The following TASP1 variants were observed in gnomAD, a reference collection of about 807,000 sequenced individuals.
TASP1 encodes threonine aspartase 1.
TASP1 carries 16 observed loss-of-function variants against 56.6 expected under a neutral mutation model. The ratio of observed to expected loss-of-function variants is 0.28; its 90% confidence interval spans 0.19 to 0.43. The LOEUF is 0.43. Ranked by LOEUF, TASP1 falls within the 20% of genes least tolerant of loss-of-function variation. TASP1 has a pLI of 1.00. For missense variants in TASP1, 393 were observed against 511.6 expected (o/e 0.77, Z 2.24); for synonymous variants, 179 against 184.2 (o/e 0.97, Z 0.23).
intron 13 of TASP1, chr20:13,393,115 G>A: frequency 1.6e-6 from 1 of 637,410 alleles, no homozygotes; most frequent in South Asian, 1.5e-5. Flanking sequence ...AAGATCGTCA[G>A]CAATGCCTCC....
chr20:13,139,997 C>A, the TASP1 span, among the ~76,000 whole-genome samples: 1 of 152,140 alleles, frequency 6.6e-6, no homozygotes, highest in Non-Finnish European at 1.5e-5. Context: ...GTGTTGCTAT[C>A]ATTGCTGTGA....
the TASP1 span, among the ~76,000 whole-genome samples, chr20:13,151,895 G>A: frequency 1.3e-5 from 2 of 151,970 alleles, no homozygotes; most frequent in African/African-American, 4.8e-5. Context: ...CCAACCTAGC[G>A]ATATCCTATG....
chr20:13,430,368 AG>A (rs1353779574), intron 12 of TASP1, among the ~76,000 whole-genome samples: 1 of 152,188 alleles, frequency 6.6e-6, no homozygotes, highest in Non-Finnish European at 1.5e-5. Context: ...CTCTCCGATG[AG>A]ATTTCAGTCA....
At chr20:13,203,957 C>T in the TASP1 span, among the ~76,000 whole-genome samples, 2 of 152,210 alleles carry the variant, frequency 1.3e-5, no homozygotes, top group African/African-American at 4.8e-5. Flanking sequence ...ACTTGTGACT[C>T]TGAGGGACAA....
chr20:13,631,592 T>C (rs2049088318), intron 1 of TASP1, among the ~76,000 whole-genome samples: 1 of 152,222 alleles, frequency 6.6e-6, no homozygotes. Context: ...TGAAATGAGC[T>C]TGGGACCATT....
chr20:13,517,457 A>T (rs2044583329), intron 10 of TASP1, among the ~76,000 whole-genome samples: 1 of 152,152 alleles, frequency 6.6e-6, no homozygotes, highest in African/African-American at 2.4e-5. Context: ...ATATTAAATG[A>T]ACAAAGTACA....
chr20:13,513,645 T>C (rs557152905), intron 10 of TASP1, among the ~76,000 whole-genome samples: 1 of 152,256 alleles, frequency 6.6e-6, no homozygotes, highest in South Asian at 2.1e-4. Flanking sequence ...TAGCTAGGAC[T>C]TTCTATTAAA....
rs535508509 is a variant in TASP1, at chr20:13,580,227, G to C, written c.488+670C>G. Among the ~76,000 whole-genome samples, 3 of 152,274 alleles carry C rather than the reference G, an allele frequency of 2.0e-5. No individual in the cohort carries two copies. The East Asian group carries it at 5.8e-4, about 29-fold the overall frequency. Reference sequence around the variant, plus strand: ...TCTGGGAGGCCAAGGCAGGAGGATTGCTTGAGTCCAGGAGTTTGAGATGAG... The same window carrying C: ...TCTGGGAGGCCAAGGCAGGAGGATTCCTTGAGTCCAGGAGTTTGAGATGAG... On this transcript the variant is annotated intron_variant, in intron 6 of 13. Coordinates refer to ENST00000337743, the MANE Select transcript of TASP1 (RefSeq NM_017714.3).
At chr20:13,296,050 G>A in the TASP1 span, among the ~76,000 whole-genome samples, 1 of 152,084 alleles carries the variant, frequency 6.6e-6, no homozygotes, top group African/African-American at 2.4e-5. Context: ...ACACCCCTGG[G>A]GCTTTTTGCC....
chr20:13,453,833 C>A (rs1012373731), intron 11 of TASP1, among the ~76,000 whole-genome samples: 22 of 151,916 alleles, frequency 1.4e-4, no homozygotes, highest in Admixed American at 1.4e-3. Context: ...CAGTAATAGT[C>A]CCACGGAGGA....
rs570933640 is a variant in TASP1 at position 13,503,962 on chromosome 20, AGGATTTATGGAGTACCATCTAGCATTAT to A, written c.875-20653_875-20626del. ...AAAAATGAAAAGAAATAAAGCCTACAGGATTTATGGAGTACCATCTAGCATTATGGAAGTTCAAACAGGAGAAGAGAAA... is the reference window on the plus strand; with the variant it reads ...AAAAATGAAAAGAAATAAAGCCTACAGGAAGTTCAAACAGGAGAAGAGAAA... On this transcript the variant is annotated intron_variant, in intron 10 of 13. Coordinates refer to ENST00000337743, the MANE Select transcript of TASP1 (RefSeq NM_017714.3). Among the ~76,000 whole-genome samples, 745 of 152,214 alleles carry A rather than the reference AGGATTTATGGAGTACCATCTAGCATTAT, an allele frequency of 4.9e-3. 4 individuals carry two copies. Among genetic ancestry groups the A allele is most frequent in the African/African-American group, 0.015 (605 of 41,566 alleles).
At chr20:13,333,284 C>A in the TASP1 span, among the ~76,000 whole-genome samples, 1 of 152,186 alleles carries the variant, frequency 6.6e-6, no homozygotes, top group Non-Finnish European at 1.5e-5. Context: ...TCTGTGGAAT[C>A]AAGTGTGACA....
the TASP1 span, among the ~76,000 whole-genome samples, chr20:13,177,390 T>A: frequency 6.6e-6 from 1 of 152,190 alleles, no homozygotes; most frequent in African/African-American, 2.4e-5. Context: ...CTAGACATTT[T>A]TCAAAGAAAC....
chr20:13,592,537 C>T (rs2047573031), intron 4 of TASP1, among the ~76,000 whole-genome samples: 1 of 152,018 alleles, frequency 6.6e-6, no homozygotes, highest in Non-Finnish European at 1.5e-5. Flanking sequence ...GGAGATATTA[C>T]CAAAAATATA....
intron 9 of TASP1, among the ~76,000 whole-genome samples, chr20:13,532,096 A>T (rs962131258): frequency 4.0e-5 from 6 of 151,806 alleles, no homozygotes; most frequent in Admixed American, 3.9e-4. Flanking sequence ...CTACTTCTCT[A>T]TGGGGTTTTA....
At chr20:13,474,663 G>A (rs942296020) in intron 11 of TASP1, among the ~76,000 whole-genome samples, 1 of 152,140 alleles carries the variant, frequency 6.6e-6, no homozygotes, top group African/African-American at 2.4e-5. Context: ...TAGTGGGACT[G>A]CTGGATCAAA....
the TASP1 span, among the ~76,000 whole-genome samples, chr20:13,363,570 A>G: frequency 2.0e-5 from 3 of 152,172 alleles, no homozygotes; most frequent in Non-Finnish European, 2.9e-5. Flanking sequence ...AAAACCCCCA[A>G]TGTTTTCTGG....
At chr20:13,473,230 T>C (rs6042143) in intron 11 of TASP1, among the ~76,000 whole-genome samples, 13,862 of 151,250 alleles carry the variant, frequency 0.092, 1,205 homozygotes, top group African/African-American at 0.23. Flanking sequence ...AGCAAACTAT[T>C]GCAAGGACAA....
At chr20:13,528,219 CAAAAAAAAAAAAA>C (rs397942980) in intron 10 of TASP1, among the ~76,000 whole-genome samples, 7 of 54,318 alleles carry the variant, frequency 1.3e-4, no homozygotes, top group South Asian at 1.0e-3. Flanking sequence ...GACTCTGACT[CAAAAAAAAAAAAA>C]AAAAAAAAAA....
Sources: allele counts gnomAD v4.1 joint callset (sites outside exome capture counted in the v4.1 genomes callset), GRCh38; gene constraint gnomAD v4.1.1; transcripts MANE v1.5; gene names NCBI Gene and HGNC (gene_info 2026-07-23, HGNC 2026-07-21).